CNTN3: variants seen among roughly 807,000 people sequenced by gnomAD.
CNTN3 encodes the protein contactin 3.
A neutral mutation model predicts 119.1 loss-of-function variants in CNTN3; 60 were observed. That is an observed-to-expected ratio of 0.50 (90% confidence interval 0.41 to 0.62). The LOEUF (loss-of-function observed/expected upper bound fraction) is 0.62, where lower values mean the gene tolerates loss of function less well. CNTN3 is among the 20% of genes least tolerant of loss of function. CNTN3 has a pLI of 0.00. For missense variants in CNTN3, 1,101 were observed against 1,242.4 expected (o/e 0.89, Z 1.71); for synonymous variants, 450 against 438.7 (o/e 1.03, Z -0.32).
intron 4 of CNTN3, among the ~76,000 whole-genome samples, chr3:74,478,627 C>T (rs1011756597): frequency 2.0e-5 from 3 of 152,028 alleles, no homozygotes; most frequent in Non-Finnish European, 2.9e-5. Flanking sequence ...GAGGTGAGCC[C>T]AGTGAGATGA....
intron 11 of CNTN3, among the ~76,000 whole-genome samples, chr3:74,357,578 C>T (rs746676254): frequency 1.1e-4 from 16 of 152,124 alleles, no homozygotes; most frequent in Admixed American, 8.5e-4. Context: ...CCACTGCACT[C>T]GGCCTCAGTT....
intron 1 of CNTN3, among the ~76,000 whole-genome samples, chr3:74,547,488 G>A (rs1016679243): frequency 6.6e-6 from 1 of 151,984 alleles, no homozygotes; most frequent in Non-Finnish European, 1.5e-5. Flanking sequence ...TTTACTGAAA[G>A]GGTGAAACTA....
At chr3:74,486,092 G>T (rs1048264413) in intron 4 of CNTN3, among the ~76,000 whole-genome samples, 1 of 111,512 alleles carries the variant, frequency 9.0e-6, no homozygotes, top group East Asian at 2.0e-4. Flanking sequence ...CAATTCTTTC[G>T]CATTTTTTTC....
intron 1 of CNTN3, among the ~76,000 whole-genome samples, chr3:74,524,555 T>C (rs1703588268): frequency 6.6e-6 from 1 of 151,798 alleles, no homozygotes; most frequent in Non-Finnish European, 1.5e-5. Flanking sequence ...GAGGTGTGTG[T>C]ATGTGCTGCA....
intron 3 of CNTN3, among the ~76,000 whole-genome samples, chr3:74,490,986 T>C (rs912841926): frequency 1.3e-5 from 2 of 152,202 alleles, no homozygotes; most frequent in South Asian, 4.1e-4. Flanking sequence ...CAATATCTTA[T>C]TAAACACTGA....
At chr3:74,303,413 C>T (rs1362838390) in intron 13 of CNTN3, among the ~76,000 whole-genome samples, 1 of 152,128 alleles carries the variant, frequency 6.6e-6, no homozygotes, top group Non-Finnish European at 1.5e-5. Flanking sequence ...TAACAGCTAG[C>T]CGGGCACGGT....
At chr3:74,462,057 C>G (rs1702380153) in intron 4 of CNTN3, among the ~76,000 whole-genome samples, 1 of 151,986 alleles carries the variant, frequency 6.6e-6, no homozygotes, top group Non-Finnish European at 1.5e-5. Context: ...CTCTTTGGTG[C>G]TGTTCTCATG....
At chr3:74,475,539 C>T (rs553405165) in intron 4 of CNTN3, among the ~76,000 whole-genome samples, 35 of 152,098 alleles carry the variant, frequency 2.3e-4, no homozygotes, top group Non-Finnish European at 4.3e-4. Context: ...CAAGGCTGTA[C>T]TTATGGGGAA....
At chr3:74,501,992 C>T (rs35910645) in intron 2 of CNTN3, among the ~76,000 whole-genome samples, 27,978 of 151,892 alleles carry the variant, frequency 0.18, 2,888 homozygotes, top group East Asian at 0.36. Flanking sequence ...AATTTATTGT[C>T]CTAGAAAGTC....
chr3:74,267,549 T>G, intron 20 of CNTN3, 171 bp from the exon 21 acceptor site: 1 of 501,684 alleles, frequency 2.0e-6, no homozygotes, highest in Non-Finnish European at 3.6e-6. Context: ...ATAAATTTCC[T>G]TTTTTTAGAA....
intron 1 of CNTN3, among the ~76,000 whole-genome samples, chr3:74,600,134 A>G (rs552737674): frequency 6.6e-6 from 1 of 152,232 alleles, no homozygotes; most frequent in East Asian, 1.9e-4. Context: ...GAAGAGTGGG[A>G]CAATCAAGGG....
intron 5 of CNTN3, among the ~76,000 whole-genome samples, chr3:74,382,969 T>A (rs947205863): frequency 1.3e-5 from 2 of 152,204 alleles, no homozygotes; most frequent in African/African-American, 4.8e-5. Context: ...AATTGCCCCT[T>A]CTTTACAGTA....
chr3:74,442,168 CACACACACAGAGAG>C (rs1339431675), intron 4 of CNTN3, among the ~76,000 whole-genome samples: 1 of 117,030 alleles, frequency 8.5e-6, no homozygotes, highest in East Asian at 4.4e-4. Flanking sequence ...CACACACACA[CACACACACAGAGAG>C]AGAGAGATTA....
chr3:74,445,332 C>T (rs985050739), intron 4 of CNTN3, among the ~76,000 whole-genome samples: 11 of 151,830 alleles, frequency 7.2e-5, no homozygotes, highest in African/African-American at 2.2e-4. Context: ...GTGGGATCTC[C>T]GCCCACTGCA....
chr3:74,543,946 G>C (rs950710763), intron 1 of CNTN3, among the ~76,000 whole-genome samples: 14 of 152,182 alleles, frequency 9.2e-5, no homozygotes, highest in Non-Finnish European at 1.2e-4. Context: ...ACTGCTAAAA[G>C]AACGTATTTT....
In CNTN3 at chr3:74,267,335, G is replaced by A; in HGVS notation, c.2748C>T (p.Asp916=). The change falls in exon 21 of 23, where the codon GAC becomes GAT. Residue 916 remains aspartate (D), a synonymous_variant. Coordinates refer to ENST00000263665, the MANE Select transcript of CNTN3 (RefSeq NM_020872.3). ...PPGNVVWNAT[D]TKVLLNWEQV... Reference sequence around the variant, plus strand: ...GCTCCCAATTAAGTAACACTTTAGTGTCTGTGGCATTCCAAACAACATTTC... The same window carrying A: ...GCTCCCAATTAAGTAACACTTTAGTATCTGTGGCATTCCAAACAACATTTC... 2 of 1,613,336 alleles carry A rather than the reference G, an allele frequency of 1.2e-6. No individual in the cohort carries two copies. Among genetic ancestry groups the A allele is most frequent in the Admixed American group, 1.7e-5 (1 of 59,998 alleles).
chr3:74,562,735 C>T (rs1476643932), intron 1 of CNTN3, among the ~76,000 whole-genome samples: 1 of 152,040 alleles, frequency 6.6e-6, no homozygotes, highest in Non-Finnish European at 1.5e-5. Context: ...TCTCCCAAGT[C>T]ATTAGCGGCA....
intron 1 of CNTN3, among the ~76,000 whole-genome samples, chr3:74,564,761 AGATATTTTCTCCTT>A (rs2107178085): frequency 6.6e-6 from 1 of 152,056 alleles, no homozygotes; most frequent in African/African-American, 2.4e-5. Flanking sequence ...GCTTAGCCTC[AGATATTTTCTCCTT>A]GATTCATCCA....
intron 13 of CNTN3, among the ~76,000 whole-genome samples, chr3:74,313,008 G>T (rs548670949): frequency 6.0e-5 from 9 of 150,824 alleles, no homozygotes; most frequent in African/African-American, 2.2e-4. Context: ...AAAAAAAAAA[G>T]GTTAGAGATT....
Sources: allele counts gnomAD v4.1 joint callset (sites outside exome capture counted in the v4.1 genomes callset), GRCh38; gene constraint gnomAD v4.1.1; transcripts MANE v1.5; gene names NCBI Gene and HGNC (gene_info 2026-07-23, HGNC 2026-07-21).